The following BCL11A variants were observed in gnomAD, a reference collection of about 807,000 sequenced individuals.
BCL11A encodes B cell CLL/lymphoma 11A.
Under a neutral mutation model 55.9 loss-of-function variants are expected in BCL11A, and 2 were observed. The ratio of observed to expected loss-of-function variants is 0.04; its 90% confidence interval spans 0.01 to 0.11. BCL11A has a LOEUF of 0.11. Ranked by LOEUF, BCL11A falls within the 10% of genes least tolerant of loss-of-function variation. The pLI, the probability that BCL11A is intolerant of heterozygous loss-of-function variation, is 1.00. For missense variants in BCL11A, 817 were observed against 1,137.1 expected (o/e 0.72, Z 4.05); for synonymous variants, 465 against 473.4 (o/e 0.98, Z 0.23).
chr2:60,458,415 GTGT>G lies in BCL11A; in HGVS notation c.*1986_*1988del. On this transcript the variant is annotated 3_prime_UTR_variant, in exon 4 of 4. Transcript: ENST00000642384. The stretch of plus-strand genomic sequence containing the variant: ...GCAGTTCCCCCCTAAACATAATGAA[GTGT>G]TTTTTAAAAAAAATTTTTCTTAACA... The G allele has an allele frequency of 9.8e-7, 1 of 1,018,298 alleles. No homozygotes were observed. The highest frequency in any genetic ancestry group is 1.2e-6 in the Non-Finnish European group (1 of 848,926). 63.1% of individuals were successfully genotyped at this position (1,018,298 alleles called of 1,614,324 possible).
intron 2 of BCL11A, among the ~76,000 whole-genome samples, chr2:60,481,520 C>G (rs1677959523): frequency 6.6e-6 from 1 of 152,132 alleles, no homozygotes; most frequent in Non-Finnish European, 1.5e-5. Flanking sequence ...ACCCAGCCCA[C>G]AAGCTGGCAG....
intron 3 of BCL11A, among the ~76,000 whole-genome samples, chr2:60,467,129 ATGGTGGTGTTGG>A (rs1676683534): frequency 2.8e-5 from 2 of 70,690 alleles, no homozygotes; most frequent in African/African-American, 5.5e-5. Flanking sequence ...GGTGGTGGTG[ATGGTGGTGTTGG>A]TGGTGATGGT....
chr2:60,497,091 T>G (rs1678992729), intron 2 of BCL11A, among the ~76,000 whole-genome samples: 2 of 152,232 alleles, frequency 1.3e-5, no homozygotes, highest in South Asian at 4.1e-4. Context: ...CGCAGACACC[T>G]GTTGGCCAAC....
At chr2:60,508,569 G>A (rs1679777285) in intron 2 of BCL11A, 2 of 152,302 alleles carry the variant, frequency 1.3e-5, no homozygotes, top group African/African-American at 4.8e-5. Flanking sequence ...TTTCCTCCGG[G>A]ATGTAAAGCA....
intron 2 of BCL11A, among the ~76,000 whole-genome samples, chr2:60,482,755 G>C (rs1285691815): frequency 6.6e-6 from 1 of 152,190 alleles, no homozygotes; most frequent in Admixed American, 6.5e-5. Context: ...TGAAGGACAG[G>C]TTAGTACCAC....
intron 2 of BCL11A, among the ~76,000 whole-genome samples, chr2:60,479,681 C>A (rs1677841265): frequency 6.6e-6 from 1 of 152,182 alleles, no homozygotes; most frequent in African/African-American, 2.4e-5. Flanking sequence ...GTCCTGTACT[C>A]CTGCCCCAGC....
chr2:60,551,010 G>C (rs1192540348), intron 1 of BCL11A: 3 of 397,552 alleles, frequency 7.5e-6, no homozygotes, highest in Non-Finnish European at 4.4e-6. Flanking sequence ...GTGCCGGGGT[G>C]GGGGAGCTTC....
At chr2:60,537,503 TTC>T (rs1178462051) in intron 2 of BCL11A, 1 of 152,246 alleles carries the variant, frequency 6.6e-6, no homozygotes, top group Non-Finnish European at 1.5e-5. Context: ...TCAGGTTTGG[TTC>T]TCTTAGTTTT....
intron 2 of BCL11A, among the ~76,000 whole-genome samples, chr2:60,505,057 T>C (rs553904887): frequency 7.6e-4 from 116 of 152,276 alleles, no homozygotes; most frequent in Non-Finnish European, 1.2e-3. Flanking sequence ...TTAACCTCTC[T>C]AAGCTTCAAC....
chr2:60,524,286 TC>T (rs1669115170), intron 2 of BCL11A, among the ~76,000 whole-genome samples: 1 of 152,160 alleles, frequency 6.6e-6, no homozygotes, highest in Admixed American at 6.5e-5. Flanking sequence ...GGCTATGAAA[TC>T]CTAAACTTCA....
At chr2:60,487,699 C>G (rs1296976330) in intron 2 of BCL11A, among the ~76,000 whole-genome samples, 1 of 152,182 alleles carries the variant, frequency 6.6e-6, no homozygotes, top group East Asian at 1.9e-4. Flanking sequence ...CCATTTCCCA[C>G]TCCCTTATTT....
intron 2 of BCL11A, among the ~76,000 whole-genome samples, chr2:60,490,565 A>G (rs1678570103): frequency 6.6e-6 from 1 of 152,204 alleles, no homozygotes; most frequent in African/African-American, 2.4e-5. Context: ...TAGTCACCTT[A>G]GCAAGAAGAA....
intron 2 of BCL11A, among the ~76,000 whole-genome samples, chr2:60,512,943 A>G (rs770963000): frequency 2.0e-5 from 3 of 152,184 alleles, no homozygotes; most frequent in Non-Finnish European, 2.9e-5. Flanking sequence ...TTCACCTCTT[A>G]GACGTCTCAG....
chr2:60,521,097 A>ACAC (rs1668964864), intron 2 of BCL11A, among the ~76,000 whole-genome samples: 1 of 74,922 alleles, frequency 1.3e-5, no homozygotes, highest in Non-Finnish European at 3.2e-5. Flanking sequence ...ACACACACAC[A>ACAC]CACTCACACA....
At position 60,545,635 on chromosome 2, in the gene BCL11A, A is replaced by G. The variant is rs1228771364; in HGVS notation, c.385+336T>C. 13 of 241,322 alleles carry G rather than the reference A, an allele frequency of 5.4e-5. 1 individual carries two copies. Among genetic ancestry groups the G allele is most frequent in the Non-Finnish European group, 9.8e-5 (12 of 122,806 alleles). 14.9% of individuals were successfully genotyped at this position (241,322 alleles called of 1,614,324 possible). A position where few individuals can be genotyped will look rare whatever the true frequency, so the allele number is the denominator to read the frequency against. ...ACGTCACCAAGGCTGGAAATGGACA[A>G]TGGAAGCTGGACTAGGTGTAGTAAA... On this transcript the variant is annotated intron_variant, in intron 2 of 3. Coordinates refer to ENST00000642384, the MANE Select transcript of BCL11A (RefSeq NM_022893.4).
rs566683039 is a variant in BCL11A at position 60,459,430 on chromosome 2, G to A, written c.*974C>T. ...GGGCAAAACAGCCCATTTCTTTTAAGCTCTCACCAGGAGCAAAGTAGCTTT... is the reference window on the plus strand; with the variant it reads ...GGGCAAAACAGCCCATTTCTTTTAAACTCTCACCAGGAGCAAAGTAGCTTT... On this transcript the variant is annotated 3_prime_UTR_variant, in exon 4 of 4. Coordinates refer to ENST00000642384, the MANE Select transcript of BCL11A (RefSeq NM_022893.4). 9.8e-7 allele frequency: 1 copy of A among 1,022,054 alleles called. No homozygotes were observed. Among genetic ancestry groups the A allele is most frequent in the African/African-American group, 1.7e-5 (1 of 58,728 alleles). The allele number at this position is 1,022,054 out of a possible 1,614,324, so 63.3% of individuals were successfully genotyped here. A position where few individuals can be genotyped will look rare whatever the true frequency, so the allele number is the denominator to read the frequency against.
chr2:60,468,638 T>C (rs1677025476), intron 3 of BCL11A, 94 bp downstream of exon 3: 1 of 877,604 alleles, frequency 1.1e-6, no homozygotes, highest in African/African-American at 1.7e-5. Flanking sequence ...ATTTTGGAAG[T>C]AACTCCTTCA....
At chr2:60,540,559 A>G (rs1302610635) in intron 2 of BCL11A, among the ~76,000 whole-genome samples, 2 of 152,190 alleles carry the variant, frequency 1.3e-5, no homozygotes, top group Non-Finnish European at 2.9e-5. Flanking sequence ...ATTCTCCTTT[A>G]TTAAACATTT....
At chr2:60,492,322 A>G (rs1231116423) in intron 2 of BCL11A, among the ~76,000 whole-genome samples, 2 of 152,226 alleles carry the variant, frequency 1.3e-5, no homozygotes, top group Non-Finnish European at 2.9e-5. Flanking sequence ...AGCTATGAAC[A>G]TGCCACTACA....
Sources: allele counts gnomAD v4.1 joint callset (sites outside exome capture counted in the v4.1 genomes callset), GRCh38; gene constraint gnomAD v4.1.1; transcripts MANE v1.5; gene names NCBI Gene and HGNC (gene_info 2026-07-23, HGNC 2026-07-21).